CILP: variants seen among roughly 807,000 people sequenced by gnomAD.
CILP encodes cartilage intermediate layer protein 1.
CILP carries 75 observed loss-of-function variants against 82.5 expected under a neutral mutation model. That is an observed-to-expected ratio of 0.91 (90% CI 0.75 to 1.10). CILP has a LOEUF of 1.10. Ranked by LOEUF, CILP falls within the 50% of genes least tolerant of loss-of-function variation. The pLI is 0.00. For synonymous variants in CILP, 530 were observed against 580.3 expected (o/e 0.91, Z 1.25); for missense variants, 1,479 against 1,530.8 (o/e 0.97, Z 0.56).
In CILP at chr15:65,205,466, C is replaced by G. The variant is rs771377748; in HGVS notation, c.425G>C (p.Gly142Ala). Residue 142 changes from glycine to alanine, a missense_variant and splice_region_variant, in exon 5 of 9, where the codon GGA (glycine) becomes GCA (alanine). Transcript: ENST00000261883. ...NYTVRFLCPP[G>A]SLRRDTERIW... ...GCGCTCTGTGTCTCGGCGCAGGGAT[C>G]CTGCAAAGTGAGATCAGCAGACGGT... 1.2e-6 allele frequency: 2 copies of G among 1,603,244 alleles called. No homozygotes were observed. The highest frequency in any genetic ancestry group is 2.7e-5 in the African/African-American group (2 of 74,752).
At chr15:65,199,226 C>T (rs1204396991) in intron 8 of CILP, 127 bp from the exon 9 acceptor site, 5 of 665,194 alleles carry the variant, frequency 7.5e-6, no homozygotes, top group South Asian at 5.9e-5. Flanking sequence ...TTCTCATTCT[C>T]ACAGAACTCT....
Position 65,206,775 on chromosome 15 carries a change from G to A in CILP, c.424+7C>T. ...TAGCGGGTGGGGGTGGGGGCGTTCT[G>A]GCTTACCTGGTGGGCAGAGGAAGCG... On this transcript the variant is annotated splice_region_variant and intron_variant, in intron 4 of 8. Transcript: ENST00000261883. 1 of 1,601,506 alleles carries A rather than the reference G, an allele frequency of 6.2e-7. No homozygotes were observed. Among genetic ancestry groups the A allele is most frequent in the Non-Finnish European group, 8.5e-7 (1 of 1,170,150 alleles).
intron 1 of CILP, among the ~76,000 whole-genome samples, chr15:65,210,477 G>A (rs371759972): frequency 2.0e-4 from 30 of 152,138 alleles, no homozygotes; most frequent in African/African-American, 7.2e-4. Flanking sequence ...GGGATGCATT[G>A]TGAGAGGCCA....
In CILP at chr15:65,197,482, A is replaced by C; in HGVS notation, c.2804T>G (p.Met935Arg). The C allele has an allele frequency of 6.2e-7, 1 of 1,614,222 alleles. No homozygotes were observed. Among genetic ancestry groups the C allele is most frequent in the Non-Finnish European group, 8.5e-7 (1 of 1,180,042 alleles). Residue 935 changes from methionine to arginine, a missense_variant, in exon 9 of 9, where the codon ATG becomes AGG. Coordinates refer to ENST00000261883, the MANE Select transcript of CILP (RefSeq NM_003613.4). ...TGCCAGATAGTCTTCAGTCCAGCTCATAGGGTCATCTTCGTTGAAGGGGAC... is the reference window on the plus strand; with the variant it reads ...TGCCAGATAGTCTTCAGTCCAGCTCCTAGGGTCATCTTCGTTGAAGGGGAC... Reference protein sequence around the residue: ...NTVPFNEDDPMSWTEDYLAWW... With the variant: ...NTVPFNEDDPRSWTEDYLAWW...
chr15:65,211,024 T>C (rs975437641), intron 1 of CILP, among the ~76,000 whole-genome samples: 2 of 152,164 alleles, frequency 1.3e-5, no homozygotes, highest in African/African-American at 4.8e-5. Context: ...GGAAAAACCA[T>C]TTCCCATCTG....
intron 1 of CILP, among the ~76,000 whole-genome samples, chr15:65,210,496 C>G (rs2140685747): frequency 6.6e-6 from 1 of 152,296 alleles, no homozygotes; most frequent in Admixed American, 6.5e-5. Context: ...CAGGGCTCCC[C>G]AGTAACTGCT....
Position 65,203,349 on chromosome 15 carries a change from G to T in CILP, c.1028+13C>A. 6.3e-7 allele frequency: 1 copy of T among 1,588,012 alleles called. No homozygotes were observed. The highest frequency in any genetic ancestry group is 8.6e-7 in the Non-Finnish European group (1 of 1,156,528). ...GGAGGAGAATTGGGCAGGGTAGCTA[G>T]CAGAATACGCACCAAAAATACTTGT... On this transcript the variant is annotated intron_variant, in intron 7 of 8. Transcript: ENST00000261883.
At chr15:65,207,203 G>A in intron 3 of CILP, 152 bp from the exon 4 acceptor site, 1 of 835,602 alleles carries the variant, frequency 1.2e-6, no homozygotes, top group South Asian at 1.8e-5. Flanking sequence ...CACTGCTGAG[G>A]CCTCCATTCA....
At position 65,196,864 on chromosome 15, in the gene CILP, G is replaced by A; in HGVS notation, c.3422C>T (p.Pro1141Leu). The change falls in exon 9 of 9, where the codon CCT (proline) becomes CTT (leucine). Residue 1141 changes from proline (P) to leucine (L), a missense_variant. Physicochemically the swap from Pro to Leu is moderately conservative, Grantham distance 98. Transcript: ENST00000261883. ...QYLQSTPAQSPAAGTVQGRVP... is the reference protein window; with the variant it reads ...QYLQSTPAQSLAAGTVQGRVP... ...TCTTCCTTGGACAGTGCCTGCAGCAGGGGACTGGGCTGGGGTGCTTTGGAG... is the reference window on the plus strand; with the variant it reads ...TCTTCCTTGGACAGTGCCTGCAGCAAGGGACTGGGCTGGGGTGCTTTGGAG... 5.0e-6 allele frequency: 8 copies of A among 1,613,936 alleles called. No individual in the cohort carries two copies. The Admixed American group carries it at 1.3e-4, about 27-fold the overall frequency.
chr15:65,197,687 G>A lies in CILP; in HGVS notation c.2599C>T (p.Pro867Ser), dbSNP rs1342450658. 1.9e-6 allele frequency: 3 copies of A among 1,613,668 alleles called. No homozygotes were observed. In the Admixed American group the frequency reaches 5.0e-5, roughly 27 times the overall value. ...LNYRRTDHED[P>S]RVKKTAFQIS... Reference sequence around the variant, plus strand: ...TGGAAAGCTGTCTTTTTAACCCGTGGATCCTCATGGTCCGTCCGACGGTAG... The same window carrying A: ...TGGAAAGCTGTCTTTTTAACCCGTGAATCCTCATGGTCCGTCCGACGGTAG... The change falls in exon 9 of 9, where the codon CCA becomes TCA. Residue 867 changes from proline to serine, a missense_variant. Coordinates refer to ENST00000261883, the MANE Select transcript of CILP (RefSeq NM_003613.4).
chr15:65,202,061 G>A (rs1384933590), intron 7 of CILP, 32 bp from the exon 8 acceptor site: 1 of 1,478,366 alleles, frequency 6.8e-7, no homozygotes, highest in Non-Finnish European at 9.0e-7. Flanking sequence ...AACCTGAATG[G>A]GCAGTGGGAG....
At chr15:65,210,662 G>A (rs1317625914) in intron 1 of CILP, among the ~76,000 whole-genome samples, 1 of 152,302 alleles carries the variant, frequency 6.6e-6, no homozygotes, top group East Asian at 1.9e-4. Flanking sequence ...CTCGTTTCTG[G>A]GGATTCAAAA....
rs370246151 is a variant in CILP at position 65,203,445 on chromosome 15, A to T, written c.945T>A (p.Pro315=). 2.5e-6 allele frequency: 4 copies of T among 1,612,462 alleles called. No homozygotes were observed. Among genetic ancestry groups the T allele is most frequent in the African/African-American group, 1.3e-5 (1 of 74,864 alleles). The change falls in exon 7 of 9, where the codon CCT becomes CCA. Residue 315 remains proline (P), a synonymous_variant. Transcript: ENST00000261883. ...GCCCAGCTCTCCGTGCTTTTGTCTC[A>T]GGGTTCATCACCATGTATGGAGTCT... ...RAETPYMVMN[P]ETKARRAGQS...
intron 3 of CILP, 74 bp downstream of exon 3, chr15:65,207,598 G>A (rs2088532344): frequency 3.8e-6 from 5 of 1,330,128 alleles, no homozygotes; most frequent in African/African-American, 2.9e-5. Flanking sequence ...ATCATGCCCT[G>A]GCTTCAGAGA....
chr15:65,207,954 A>G (rs1306920757), intron 2 of CILP, among the ~76,000 whole-genome samples, 190 bp from the exon 3 acceptor site: 3 of 152,178 alleles, frequency 2.0e-5, no homozygotes, highest in Non-Finnish European at 4.4e-5. Flanking sequence ...TTCCCCATAA[A>G]ATAGGAATGC....
Position 65,206,786 on chromosome 15 carries a change from T to C in CILP, c.420A>G (p.Pro140=), listed in dbSNP as rs2088521612. 1 of 1,605,530 alleles carries C rather than the reference T, an allele frequency of 6.2e-7. No homozygotes were observed. ...GGTGGGGGCGTTCTGGCTTACCTGGTGGGCAGAGGAAGCGTACGGTGTAAT... is the reference window on the plus strand; with the variant it reads ...GGTGGGGGCGTTCTGGCTTACCTGGCGGGCAGAGGAAGCGTACGGTGTAAT... ...CSNYTVRFLC[P]PGSLRRDTER... The change falls in exon 4 of 9, where the codon CCA becomes CCG. Residue 140 remains proline, a synonymous_variant. Coordinates refer to ENST00000261883, the MANE Select transcript of CILP (RefSeq NM_003613.4).
intron 2 of CILP, among the ~76,000 whole-genome samples, chr15:65,208,393 A>G (rs1480907979): frequency 2.0e-5 from 3 of 152,220 alleles, no homozygotes; most frequent in African/African-American, 7.2e-5. Flanking sequence ...GGATAATGAT[A>G]GTTCCTGCCT....
At chr15:65,202,467 G>C (rs370024903) in intron 7 of CILP, among the ~76,000 whole-genome samples, 2 of 151,328 alleles carry the variant, frequency 1.3e-5, no homozygotes, top group African/African-American at 4.9e-5. Context: ...TTGCTCTGTC[G>C]CCTAGGCTAG....
chr15:65,209,786 G>T lies in CILP; in HGVS notation c.-31C>A, dbSNP rs764141530. ...CCCCAAGCCCGTGGGAACGTGGCAAGAGGTAGATGTGGGTGCTTCACAGAG... is the reference window on the plus strand; with the variant it reads ...CCCCAAGCCCGTGGGAACGTGGCAATAGGTAGATGTGGGTGCTTCACAGAG... On this transcript the variant is annotated 5_prime_UTR_variant, in exon 2 of 9. Transcript: ENST00000261883. 7 of 1,610,374 alleles carry T rather than the reference G, an allele frequency of 4.3e-6. No individual in the cohort carries two copies. The highest frequency in any genetic ancestry group is 5.9e-6 in the Non-Finnish European group (7 of 1,176,736).
Sources: allele counts gnomAD v4.1 joint callset (sites outside exome capture counted in the v4.1 genomes callset), GRCh38; gene constraint gnomAD v4.1.1; transcripts MANE v1.5; gene names NCBI Gene and HGNC (gene_info 2026-07-23, HGNC 2026-07-21).